The following DCC variants were observed in gnomAD, a reference collection of about 807,000 sequenced individuals.
DCC encodes the protein netrin receptor DCC.
Under a neutral mutation model 172.5 loss-of-function variants are expected in DCC, and 58 were observed. That is an observed-to-expected ratio of 0.34 (90% CI 0.27 to 0.42). The LOEUF is 0.42. Ranked by LOEUF, DCC falls within the 10% of genes least tolerant of loss-of-function variation. DCC has a pLI of 1.00. For synonymous variants in DCC, 709 were observed against 644.5 expected (o/e 1.10, Z -1.52); for missense variants, 1,740 against 1,791.0 (o/e 0.97, Z 0.51).
intron 12 of DCC, among the ~76,000 whole-genome samples, chr18:53,305,365 C>T (rs573933794): frequency 6.6e-6 from 1 of 152,264 alleles, no homozygotes; most frequent in Admixed American, 6.5e-5. Flanking sequence ...ATAATGCATT[C>T]AATCAATCAA....
At chr18:52,428,712 T>C (rs1194190937) in intron 1 of DCC, among the ~76,000 whole-genome samples, 1 of 152,108 alleles carries the variant, frequency 6.6e-6, no homozygotes, top group African/African-American at 2.4e-5. Context: ...CATGGAAATT[T>C]ATTATAATTT....
chr18:52,677,664 G>T (rs1480261830), intron 1 of DCC, among the ~76,000 whole-genome samples: 1 of 152,076 alleles, frequency 6.6e-6, no homozygotes, highest in East Asian at 1.9e-4. Context: ...AGGGCAGAAT[G>T]AGATATCTAT....
intron 13 of DCC, among the ~76,000 whole-genome samples, chr18:53,315,596 C>T (rs2144811175): frequency 6.6e-6 from 1 of 152,298 alleles, no homozygotes; most frequent in East Asian, 1.9e-4. Flanking sequence ...AAAAGCATTC[C>T]TATTTCTCCA....
intron 1 of DCC, among the ~76,000 whole-genome samples, chr18:52,654,553 A>G (rs2035208073): frequency 6.6e-6 from 1 of 152,122 alleles, no homozygotes; most frequent in Non-Finnish European, 1.5e-5. Flanking sequence ...CCTTCCTCAC[A>G]GGGCCTTTTT....
intron 1 of DCC, among the ~76,000 whole-genome samples, chr18:52,411,579 C>A (rs1213737842): frequency 6.6e-5 from 10 of 152,130 alleles, no homozygotes; most frequent in Admixed American, 6.6e-4. Flanking sequence ...CCTGTGGCTA[C>A]CTACTTCTGG....
chr18:52,570,647 A>G (rs980532512), intron 1 of DCC, among the ~76,000 whole-genome samples: 1 of 152,168 alleles, frequency 6.6e-6, no homozygotes, highest in Non-Finnish European at 1.5e-5. Context: ...TCATATTATG[A>G]TGTTTAGAAT....
chr18:53,498,951 A>C (rs1049144882), intron 26 of DCC, among the ~76,000 whole-genome samples: 1 of 152,200 alleles, frequency 6.6e-6, no homozygotes, highest in Non-Finnish European at 1.5e-5. Context: ...AATTTCACTG[A>C]CATTGCTACT....
At chr18:52,741,244 T>C (rs1376148867) in intron 1 of DCC, among the ~76,000 whole-genome samples, 1 of 152,222 alleles carries the variant, frequency 6.6e-6, no homozygotes, top group African/African-American at 2.4e-5. Context: ...AATATGATCA[T>C]TTCTCATGAC....
At chr18:53,015,274 C>T (rs1036972048) in intron 5 of DCC, among the ~76,000 whole-genome samples, 3 of 152,122 alleles carry the variant, frequency 2.0e-5, no homozygotes, top group African/African-American at 7.2e-5. Flanking sequence ...CTGATCTGAC[C>T]AGCTGGCTAA....
intron 1 of DCC, among the ~76,000 whole-genome samples, chr18:52,386,808 G>T (rs1055196270): frequency 2.6e-5 from 4 of 152,024 alleles, no homozygotes; most frequent in African/African-American, 9.7e-5. Context: ...CACATAGTTT[G>T]TACACATTAC....
chr18:53,269,664 T>G (rs547489027), intron 12 of DCC, among the ~76,000 whole-genome samples: 2 of 152,316 alleles, frequency 1.3e-5, no homozygotes, highest in African/African-American at 4.8e-5. Flanking sequence ...TTTCTCCTGA[T>G]AGCTCCATGT....
At chr18:53,521,840 A>G (rs1176314468) in intron 27 of DCC, among the ~76,000 whole-genome samples, 1 of 152,142 alleles carries the variant, frequency 6.6e-6, no homozygotes, top group African/African-American at 2.4e-5. Context: ...TAGGTCAAAA[A>G]TAAGTAAAAG....
At chr18:52,616,920 T>C (rs926798862) in intron 1 of DCC, among the ~76,000 whole-genome samples, 1 of 152,082 alleles carries the variant, frequency 6.6e-6, no homozygotes, top group Non-Finnish European at 1.5e-5. Flanking sequence ...TACTGCAGAA[T>C]GAGATGCATA....
At chr18:53,408,566 C>G (rs1909807920) in intron 19 of DCC, among the ~76,000 whole-genome samples, 1 of 152,136 alleles carries the variant, frequency 6.6e-6, no homozygotes. Context: ...CATTTCCTGT[C>G]TTCTATCGGT....
At chr18:53,156,742 T>A (rs2054742826) in intron 7 of DCC, among the ~76,000 whole-genome samples, 1 of 152,180 alleles carries the variant, frequency 6.6e-6, no homozygotes, top group African/African-American at 2.4e-5. Context: ...AAATTTAGAT[T>A]TATATTTAGT....
intron 2 of DCC, among the ~76,000 whole-genome samples, chr18:52,830,339 C>G (rs2038590458): frequency 6.6e-6 from 1 of 151,980 alleles, no homozygotes; most frequent in South Asian, 2.1e-4. Context: ...TATGTGTGGC[C>G]CAAGACAATT....
At chr18:53,017,550 T>A (rs1313576803) in intron 5 of DCC, among the ~76,000 whole-genome samples, 2 of 152,206 alleles carry the variant, frequency 1.3e-5, no homozygotes, top group Non-Finnish European at 2.9e-5. Context: ...AAGTCTGTAG[T>A]TACTGGGTAC....
At chr18:52,980,055 A>T (rs1316837083) in intron 5 of DCC, among the ~76,000 whole-genome samples, 5 of 152,152 alleles carry the variant, frequency 3.3e-5, no homozygotes, top group African/African-American at 1.2e-4. Flanking sequence ...ATTTAATTCA[A>T]TTATCTGCCC....
At chr18:52,981,649 T>A (rs1212151389) in intron 5 of DCC, among the ~76,000 whole-genome samples, 2 of 152,154 alleles carry the variant, frequency 1.3e-5, no homozygotes, top group Non-Finnish European at 2.9e-5. Context: ...ATTGGTACAA[T>A]TAATGTTCTA....
Sources: gnomAD v4.1 joint callset for allele counts (sites outside exome capture counted in the v4.1 genomes callset) on GRCh38, gnomAD v4.1.1 for gene constraint, MANE v1.5 for transcripts, NCBI Gene and HGNC (gene_info 2026-07-23, HGNC 2026-07-21) for gene names.